MBD5: variants seen among roughly 807,000 people sequenced by gnomAD.
The protein encoded by MBD5 is methyl-CpG-binding domain protein 5.
Under a neutral mutation model 117.3 loss-of-function variants are expected in MBD5, and 13 were observed. The ratio of observed to expected loss-of-function variants is 0.11; its 90% confidence interval spans 0.07 to 0.18. MBD5 has a LOEUF of 0.18. Ranked by LOEUF, MBD5 falls within the 10% of genes least tolerant of loss-of-function variation. The pLI, the probability that MBD5 is intolerant of heterozygous loss-of-function variation, is 1.00. For synonymous variants in MBD5, 727 were observed against 766.4 expected (o/e 0.95, Z 0.85); for missense variants, 1,879 against 2,093.8 (o/e 0.90, Z 2.00).
chr2:148,236,464 C>T (rs1270756616), intron 3 of MBD5, among the ~76,000 whole-genome samples: 1 of 152,098 alleles, frequency 6.6e-6, no homozygotes, highest in Non-Finnish European at 1.5e-5. Context: ...GCATGAATCT[C>T]CTTGTATATC....
intron 4 of MBD5, among the ~76,000 whole-genome samples, chr2:148,381,260 G>C (rs1704134637): frequency 6.6e-6 from 1 of 152,190 alleles, no homozygotes; most frequent in Non-Finnish European, 1.5e-5. Context: ...AACCGATGCA[G>C]AGAAGTCCTT....
chr2:148,409,317 G>A (rs1705182063), intron 4 of MBD5, among the ~76,000 whole-genome samples: 1 of 151,768 alleles, frequency 6.6e-6, no homozygotes, highest in Admixed American at 6.6e-5. Context: ...GAGCCCAGGA[G>A]GTAGAGGATG....
At chr2:148,459,545 T>TCATA (rs1410039655) in intron 5 of MBD5, among the ~76,000 whole-genome samples, 5 of 152,198 alleles carry the variant, frequency 3.3e-5, no homozygotes, top group Non-Finnish European at 7.4e-5. Flanking sequence ...GTTCCCTACT[T>TCATA]CATAGTTTTT....
intron 2 of MBD5, among the ~76,000 whole-genome samples, chr2:148,189,391 G>A (rs1332853895): frequency 1.3e-5 from 2 of 150,902 alleles, no homozygotes; most frequent in Non-Finnish European, 2.9e-5. Context: ...GGTTCTCCCA[G>A]CACACAGCTG....
chr2:148,381,024 A>G (rs1704126218), intron 4 of MBD5, among the ~76,000 whole-genome samples: 1 of 152,150 alleles, frequency 6.6e-6, no homozygotes, highest in Non-Finnish European at 1.5e-5. Flanking sequence ...TGGGGAAAAA[A>G]CAGAGCAGAA....
At chr2:148,216,006 T>A (rs2106037823) in intron 2 of MBD5, among the ~76,000 whole-genome samples, 1 of 152,340 alleles carries the variant, frequency 6.6e-6, no homozygotes, top group South Asian at 2.1e-4. Context: ...CAATGGATTT[T>A]TAAACTTTTG....
chr2:148,476,355 C>G (rs1221094669), intron 8 of MBD5, among the ~76,000 whole-genome samples: 3 of 152,166 alleles, frequency 2.0e-5, no homozygotes, highest in African/African-American at 4.8e-5. Context: ...ATTAGACATA[C>G]ATTTATAATG....
At chr2:148,485,617 A>G in intron 9 of MBD5, 125 bp from the exon 10 acceptor site, 2 of 734,880 alleles carry the variant, frequency 2.7e-6, no homozygotes, top group Non-Finnish European at 4.7e-6. Flanking sequence ...AGAAGTAAAA[A>G]AGAAAAGCAT....
At chr2:148,495,929 GGGTGT>G (rs1681688055) in intron 11 of MBD5, among the ~76,000 whole-genome samples, 1 of 152,192 alleles carries the variant, frequency 6.6e-6, no homozygotes, top group Non-Finnish European at 1.5e-5. Flanking sequence ...TGCATTCTGG[GGGTGT>G]GTAACTTAAG....
At chr2:148,297,657 A>G (rs1226464075) in intron 3 of MBD5, among the ~76,000 whole-genome samples, 1 of 152,182 alleles carries the variant, frequency 6.6e-6, no homozygotes, top group Non-Finnish European at 1.5e-5. Flanking sequence ...ATTGTTCTTA[A>G]CTGCCTCTTT....
intron 3 of MBD5, among the ~76,000 whole-genome samples, chr2:148,308,787 G>A (rs1701959348): frequency 6.6e-6 from 1 of 151,958 alleles, no homozygotes; most frequent in South Asian, 2.1e-4. Flanking sequence ...ATGGTTTTAG[G>A]TCTTACATAT....
chr2:148,372,062 T>C (rs568892411), intron 4 of MBD5, among the ~76,000 whole-genome samples: 1 of 152,240 alleles, frequency 6.6e-6, no homozygotes, highest in South Asian at 2.1e-4. Flanking sequence ...ATAATAAATA[T>C]GACAAAAGTA....
At position 148,105,433 on chromosome 2, in the gene MBD5, G is replaced by T. The variant is rs77738366; in HGVS notation, c.-924-73267G>T. Among the ~76,000 whole-genome samples the T allele has an allele frequency of 7.2e-5, 11 of 152,108 alleles. No individual in the cohort carries two copies. The East Asian group carries it at 2.1e-3, about 29-fold the overall frequency. Reference sequence around the variant, plus strand: ...GGGGTTTCACCATGTTGGTCAGGTTGGTCTCGAACTCCTGACCTCAAGTAA... The same window carrying T: ...GGGGTTTCACCATGTTGGTCAGGTTTGTCTCGAACTCCTGACCTCAAGTAA... On this transcript the variant is annotated intron_variant, in intron 1 of 13. Coordinates refer to ENST00000642680, the MANE Select transcript of MBD5 (RefSeq NM_001378120.1).
intron 11 of MBD5, among the ~76,000 whole-genome samples, chr2:148,491,350 G>A (rs561657906): frequency 3.9e-4 from 58 of 149,864 alleles, no homozygotes; most frequent in African/African-American, 1.4e-3. Flanking sequence ...GGCTCACTAG[G>A]CAAGAAATAT....
intron 2 of MBD5, among the ~76,000 whole-genome samples, chr2:148,191,868 A>T: frequency 8.7e-6 from 1 of 114,976 alleles, no homozygotes. Context: ...TAGCAAGACT[A>T]ATAAAGAAAA....
chr2:148,250,449 G>T (rs1013136309), intron 3 of MBD5, among the ~76,000 whole-genome samples: 2 of 152,134 alleles, frequency 1.3e-5, no homozygotes, highest in African/African-American at 4.8e-5. Flanking sequence ...CTTCTTCTTT[G>T]CTGGGCCCCA....
At chr2:148,246,499 G>C (rs1365034782) in intron 3 of MBD5, among the ~76,000 whole-genome samples, 1 of 152,046 alleles carries the variant, frequency 6.6e-6, no homozygotes, top group Non-Finnish European at 1.5e-5. Flanking sequence ...AGCTGGGCAC[G>C]GTGGCTCATG....
chr2:148,036,794 A>C (rs1051680032), intron 1 of MBD5, among the ~76,000 whole-genome samples: 6 of 152,072 alleles, frequency 3.9e-5, no homozygotes, highest in Non-Finnish European at 5.9e-5. Context: ...ACAGCACTAG[A>C]TTTATAAGGT....
intron 1 of MBD5, among the ~76,000 whole-genome samples, chr2:148,148,636 T>C (rs1237695641): frequency 6.6e-6 from 1 of 152,156 alleles, no homozygotes; most frequent in Non-Finnish European, 1.5e-5. Flanking sequence ...TTTTTAGATG[T>C]TTTTGTTCTT....
Sources: gnomAD v4.1 joint callset for allele counts (sites outside exome capture counted in the v4.1 genomes callset) on GRCh38, gnomAD v4.1.1 for gene constraint, MANE v1.5 for transcripts, NCBI Gene and HGNC (gene_info 2026-07-23, HGNC 2026-07-21) for gene names.